MVB12B: variants seen among roughly 807,000 people sequenced by gnomAD.
MVB12B encodes ESCRT-I complex subunit MVB12B.
MVB12B carries 16 observed loss-of-function variants against 41.6 expected under a neutral mutation model. That is an observed-to-expected ratio of 0.38 (90% confidence interval 0.26 to 0.58). MVB12B has a LOEUF of 0.58. MVB12B is among the 20% of genes least tolerant of loss of function. The pLI is 0.62. For synonymous variants in MVB12B, 133 were observed against 139.7 expected, an observed-to-expected ratio of 0.95 and a Z score of 0.34; for missense variants, 274 against 380.2, an observed-to-expected ratio of 0.72 and a Z score of 2.32.
rs138638436 is a variant in MVB12B at position 126,395,446 on chromosome 9, C to T, written c.540-129C>T. 157 of 1,127,008 alleles carry T rather than the reference C, an allele frequency of 1.4e-4. No homozygotes were observed. In the African/African-American group the frequency reaches 1.9e-3, roughly 14 times the overall value. 69.8% of individuals were successfully genotyped at this position (1,127,008 alleles called of 1,614,324 possible). On this transcript the variant is annotated intron_variant, in intron 5 of 9. Coordinates refer to ENST00000361171, the MANE Select transcript of MVB12B (RefSeq NM_033446.3). The surrounding 1 kb of genome is among the most constrained non-coding windows in gnomAD (Gnocchi z 4.9). ...AAAGGAGACGGTGGAACCCATTTCACGTGGAGGGCAAGAATTGATTCCCTG... is the reference window on the plus strand; with the variant it reads ...AAAGGAGACGGTGGAACCCATTTCATGTGGAGGGCAAGAATTGATTCCCTG...
In MVB12B at chr9:126,506,182, C is replaced by T. The variant is rs1331693495; in HGVS notation, c.*2919C>T. The T allele has an allele frequency of 6.6e-6, 1 of 152,626 alleles. No homozygotes were observed. The highest frequency in any genetic ancestry group is 6.5e-5 in the Admixed American group (1 of 15,272). The allele number at this position is 152,626 out of a possible 1,614,324, so 9.5% of individuals were successfully genotyped here. On this transcript the variant is annotated 3_prime_UTR_variant, in exon 10 of 10. Transcript: ENST00000361171. ...GAGAGATGAGAACCCAGTGGGGTCACGTAAAGGAATTGCAGGTCGGTGAGA... is the reference window on the plus strand; with the variant it reads ...GAGAGATGAGAACCCAGTGGGGTCATGTAAAGGAATTGCAGGTCGGTGAGA...
At chr9:126,413,372 G>A (rs1032307357) in intron 6 of MVB12B, among the ~76,000 whole-genome samples, 52 of 152,236 alleles carry the variant, frequency 3.4e-4, no homozygotes, top group African/African-American at 1.2e-3. Flanking sequence ...GCAACTCGCC[G>A]TAGGATTGGG....
At chr9:126,461,403 T>C (rs780135588) in intron 7 of MVB12B, among the ~76,000 whole-genome samples, 4 of 152,250 alleles carry the variant, frequency 2.6e-5, no homozygotes, top group Non-Finnish European at 4.4e-5. Context: ...AGAAAGTCTC[T>C]TTTAAGCAGA....
At chr9:126,332,420 C>G (rs1190298909) in intron 1 of MVB12B, among the ~76,000 whole-genome samples, 1 of 152,240 alleles carries the variant, frequency 6.6e-6, no homozygotes, top group Non-Finnish European at 1.5e-5. Flanking sequence ...GAAAGCTGTG[C>G]TTCTACAAGC....
intron 6 of MVB12B, among the ~76,000 whole-genome samples, chr9:126,402,222 T>C (rs562335767): frequency 6.6e-6 from 1 of 152,290 alleles, no homozygotes; most frequent in East Asian, 1.9e-4. Flanking sequence ...TTCCAATGAC[T>C]CTTTTTGTCC....
intron 7 of MVB12B, among the ~76,000 whole-genome samples, chr9:126,430,036 C>T (rs930955283): frequency 4.6e-5 from 7 of 152,150 alleles, no homozygotes; most frequent in East Asian, 1.9e-4. Context: ...GCCGTGGGCC[C>T]GGGCCTTCTG....
chr9:126,365,676 T>C (rs967027502), intron 2 of MVB12B, among the ~76,000 whole-genome samples: 12 of 152,178 alleles, frequency 7.9e-5, no homozygotes, highest in African/African-American at 2.7e-4. Context: ...TGCTTATTAA[T>C]ATACCTTTCT....
intron 2 of MVB12B, among the ~76,000 whole-genome samples, chr9:126,356,703 G>A (rs185744661): frequency 2.6e-5 from 4 of 152,160 alleles, no homozygotes; most frequent in South Asian, 2.1e-4. Flanking sequence ...ATTGGATCAC[G>A]AGGGCGGATT....
At position 126,367,555 on chromosome 9, in the gene MVB12B, C is replaced by T. The variant is rs1029439051; in HGVS notation, c.205-13509C>T. Among the ~76,000 whole-genome samples the T allele has an allele frequency of 6.6e-6, 1 of 152,180 alleles. No individual in the cohort carries two copies. Among genetic ancestry groups the T allele is most frequent in the Admixed American group, 6.5e-5 (1 of 15,288 alleles). ...ATGCCTTTGGTTCTGTTTATCCTCC[C>T]AGCAGCCTGCCTCTTCTCCTTCTGC... On this transcript the variant is annotated intron_variant, in intron 2 of 9. Transcript: ENST00000361171. This position sits in a 1 kb window ranked among gnomAD's most constrained non-coding sequence, Gnocchi z 4.3.
At position 126,478,543 on chromosome 9, in the gene MVB12B, G is replaced by C. The variant is rs560795830; in HGVS notation, c.758-2826G>C. 6.6e-6 allele frequency among the ~76,000 whole-genome samples: 1 copy of C among 152,304 alleles called. No individual in the cohort carries two copies. Among genetic ancestry groups the C allele is most frequent in the South Asian group, 2.1e-4 (1 of 4,828 alleles). On this transcript the variant is annotated intron_variant, in intron 7 of 9. Coordinates refer to ENST00000361171, the MANE Select transcript of MVB12B (RefSeq NM_033446.3). This position sits in a 1 kb window ranked among gnomAD's most constrained non-coding sequence, Gnocchi z 4.2. Reference sequence around the variant, plus strand: ...CATGCTGCAGGAGAGGCACTCAGAAGACTGGGAAGGACAGTTGAGGTACAA... The same window carrying C: ...CATGCTGCAGGAGAGGCACTCAGAACACTGGGAAGGACAGTTGAGGTACAA...
chr9:126,460,721 C>T (rs189960434), intron 7 of MVB12B, among the ~76,000 whole-genome samples: 5 of 152,126 alleles, frequency 3.3e-5, no homozygotes, highest in Admixed American at 3.3e-4. Flanking sequence ...GGGAGGAGGG[C>T]AAGTTCCAGA....
At chr9:126,446,342 T>G (rs1177022751) in intron 7 of MVB12B, among the ~76,000 whole-genome samples, 2 of 152,108 alleles carry the variant, frequency 1.3e-5, no homozygotes, top group African/African-American at 4.8e-5. Context: ...TTAAATATAG[T>G]ACTAGATTTG....
chr9:126,354,662 T>C (rs1184299647), intron 2 of MVB12B, among the ~76,000 whole-genome samples: 1 of 152,118 alleles, frequency 6.6e-6, no homozygotes, highest in African/African-American at 2.4e-5. Flanking sequence ...CACATGGATA[T>C]GAAAACACAT....
At chr9:126,428,576 G>A (rs1401044246) in intron 7 of MVB12B, among the ~76,000 whole-genome samples, 3 of 152,180 alleles carry the variant, frequency 2.0e-5, no homozygotes, top group African/African-American at 7.2e-5. Context: ...GCAGGGTTGG[G>A]AAAATGAAGG....
intron 7 of MVB12B, among the ~76,000 whole-genome samples, chr9:126,427,227 TG>T (rs1832206080): frequency 6.6e-6 from 1 of 152,174 alleles, no homozygotes; most frequent in Non-Finnish European, 1.5e-5. Flanking sequence ...ATCCATGTAT[TG>T]GGGGGACACC....
rs1258542175 is a variant in MVB12B, at chr9:126,392,697, C to T, written c.539+502C>T. Among the ~76,000 whole-genome samples, 4 of 152,322 alleles carry T rather than the reference C, an allele frequency of 2.6e-5. No individual in the cohort carries two copies. In the South Asian group the frequency reaches 6.2e-4, roughly 24 times the overall value. ...AAACACAATGATGGAGTGGGGGCCT[C>T]TTCCGTGAGGGGGTCAGGAAGGTGA... On this transcript the variant is annotated intron_variant, in intron 5 of 9. Transcript: ENST00000361171. This position sits in a 1 kb window ranked among gnomAD's most constrained non-coding sequence, Gnocchi z 4.8.
rs536542494 is a variant in MVB12B, at chr9:126,391,982, G to A, written c.410-84G>A. The stretch of plus-strand genomic sequence containing the variant: ...CTGCCACTTCTGCTGCCAGGAATAG[G>A]GCGTGACAGGGGATGTGGTTTTCAG... On this transcript the variant is annotated intron_variant, in intron 4 of 9. Coordinates refer to ENST00000361171, the MANE Select transcript of MVB12B (RefSeq NM_033446.3). The surrounding 1 kb of genome is among the most constrained non-coding windows in gnomAD (Gnocchi z 4.4). 6.6e-7 allele frequency: 1 copy of A among 1,505,364 alleles called. No homozygotes were observed. The highest frequency in any genetic ancestry group is 1.7e-5 in the Admixed American group (1 of 58,972). The allele number at this position is 1,505,364 out of a possible 1,614,324, so 93.3% of individuals were successfully genotyped here. A position where few individuals can be genotyped will look rare whatever the true frequency, so the allele number is the denominator to read the frequency against.
chr9:126,478,428 T>G lies in MVB12B; in HGVS notation c.758-2941T>G, dbSNP rs1833461586. On this transcript the variant is annotated intron_variant, in intron 7 of 9. Transcript: ENST00000361171. The surrounding 1 kb of genome is among the most constrained non-coding windows in gnomAD (Gnocchi z 4.2). Reference sequence around the variant, plus strand: ...AGGCCCTGCCCCTGGGCTGGGGACCTGGAATGCAGAGGTGACTCGCACATG... The same window carrying G: ...AGGCCCTGCCCCTGGGCTGGGGACCGGGAATGCAGAGGTGACTCGCACATG... 6.6e-6 allele frequency among the ~76,000 whole-genome samples: 1 copy of G among 152,050 alleles called. No homozygotes were observed.
At chr9:126,403,066 C>G (rs1397120332) in intron 6 of MVB12B, among the ~76,000 whole-genome samples, 1 of 152,318 alleles carries the variant, frequency 6.6e-6, no homozygotes, top group East Asian at 1.9e-4. Context: ...GGTATTGTTT[C>G]TGTAAATAGC....
Sources: allele counts gnomAD v4.1 joint callset (sites outside exome capture counted in the v4.1 genomes callset), GRCh38; gene constraint gnomAD v4.1.1; non-coding constraint Gnocchi (gnomAD v3.1); transcripts MANE v1.5; gene names NCBI Gene and HGNC (gene_info 2026-07-23, HGNC 2026-07-21).